CD163L1: variants seen among roughly 807,000 people sequenced by gnomAD.
CD163L1 encodes CD163 molecule like 1.
Under a neutral mutation model 165.4 loss-of-function variants are expected in CD163L1, and 124 were observed. The observed-to-expected ratio is 0.75, with a 90% CI of 0.65 to 0.87. CD163L1 has a LOEUF of 0.87. Ranked by LOEUF, CD163L1 falls within the 40% of genes least tolerant of loss-of-function variation. The probability of loss-of-function intolerance (pLI) is 0.00; values close to 1 mark genes in which losing one functional copy is unlikely to be tolerated. For synonymous variants in CD163L1, 585 were observed against 662.2 expected, an observed-to-expected ratio of 0.88 and a Z score of 1.79; for missense variants, 1,525 against 1,799.9, an observed-to-expected ratio of 0.85 and a Z score of 2.76.
chr12:7,432,583 G>A lies in CD163L1; in HGVS notation c.599C>T (p.Ser200Phe). Reference sequence around the variant, plus strand: ...AACAACTCCAGAAGAAATAAAAGAAGATGGACATCCTAGTTGCCTGCACAC... The same window carrying A: ...AACAACTCCAGAAGAAATAAAAGAAAATGGACATCCTAGTTGCCTGCACAC... ...AVVCRQLGCPSSFISSGVVNS... is the reference protein window; with the variant it reads ...AVVCRQLGCPFSFISSGVVNS... The change falls in exon 4 of 20, where the codon TCT becomes TTT. Residue 200 changes from serine to phenylalanine, a missense_variant. Coordinates refer to ENST00000313599, the MANE Select transcript of CD163L1 (RefSeq NM_174941.6). This position sits in a 1 kb window ranked among gnomAD's most constrained non-coding sequence, Gnocchi z 4.2. The A allele has an allele frequency of 6.2e-7, 1 of 1,614,152 alleles. No individual in the cohort carries two copies. Among genetic ancestry groups the A allele is most frequent in the South Asian group, 1.1e-5 (1 of 91,082 alleles).
chr12:7,426,696 A>T (rs994160967), intron 4 of CD163L1, among the ~76,000 whole-genome samples: 2 of 152,114 alleles, frequency 1.3e-5, no homozygotes, highest in Non-Finnish European at 2.9e-5. Context: ...CATGTAACAA[A>T]CTTGCATGTT....
chr12:7,374,978 G>T lies in CD163L1; in HGVS notation c.3002-55C>A, dbSNP rs1947233526. On this transcript the variant is annotated intron_variant, in intron 11 of 19. Coordinates refer to ENST00000313599, the MANE Select transcript of CD163L1 (RefSeq NM_174941.6). This position sits in a 1 kb window ranked among gnomAD's most constrained non-coding sequence, Gnocchi z 5.4. Reference sequence around the variant, plus strand: ...AGTAAGACCAAAATACATGGAAAAGGTTGAAGAGTTCTGTAACAACATGGA... The same window carrying T: ...AGTAAGACCAAAATACATGGAAAAGTTTGAAGAGTTCTGTAACAACATGGA... 2 of 1,488,664 alleles carry T rather than the reference G, an allele frequency of 1.3e-6. No homozygotes were observed. Among genetic ancestry groups the T allele is most frequent in the African/African-American group, 1.4e-5 (1 of 72,296 alleles). The allele number at this position is 1,488,664 out of a possible 1,614,324, so 92.2% of individuals were successfully genotyped here.
At chr12:7,424,459 T>TTGAATTCTGGCCAGGG (rs1948503336) in intron 4 of CD163L1, among the ~76,000 whole-genome samples, 3 of 152,128 alleles carry the variant, frequency 2.0e-5, no homozygotes, top group African/African-American at 7.2e-5. Flanking sequence ...CCACTCCTAT[T>TTGAATTCTGGCCAGGG]CAACATAGTG....
chr12:7,353,759 A>AT (rs900684865), downstream of CD163L1, among the ~76,000 whole-genome samples: 1 of 152,026 alleles, frequency 6.6e-6, no homozygotes. Context: ...TTCTTTCAAT[A>AT]TTTTTTAACA....
At chr12:7,419,970 T>C (rs1031953508) in intron 4 of CD163L1, among the ~76,000 whole-genome samples, 2 of 151,492 alleles carry the variant, frequency 1.3e-5, no homozygotes, top group Non-Finnish European at 3.0e-5. Context: ...TATAAGGCAA[T>C]AGTCACCAAG....
At chr12:7,418,062 C>T (rs1948281050) in intron 4 of CD163L1, among the ~76,000 whole-genome samples, 1 of 151,806 alleles carries the variant, frequency 6.6e-6, no homozygotes, top group Admixed American at 6.6e-5. Context: ...AAAATTTTAC[C>T]CAACAACTGC....
At chr12:7,324,697 T>A in the CD163L1 span, 1 of 1,339,598 alleles carries the variant, frequency 7.5e-7, no homozygotes, top group African/African-American at 1.5e-5. Flanking sequence ...AATCTATTAA[T>A]TCTCGTTATG....
intron 4 of CD163L1, among the ~76,000 whole-genome samples, chr12:7,408,430 G>A (rs1201053885): frequency 6.6e-6 from 1 of 152,026 alleles, no homozygotes; most frequent in African/African-American, 2.4e-5. Flanking sequence ...GAAATAGAAT[G>A]TCACATTAGC....
Position 7,375,263 on chromosome 12 carries a change from TA to T in CD163L1, c.3001+17del. 2 of 1,611,416 alleles carry T rather than the reference TA, an allele frequency of 1.2e-6. No individual in the cohort carries two copies. Among genetic ancestry groups the T allele is most frequent in the East Asian group, 4.5e-5 (2 of 44,852 alleles). On this transcript the variant is annotated intron_variant, in intron 11 of 19. Transcript: ENST00000313599. ...GGGCTATATTGACAGTAGTTAACCA[TA>T]AGCACTATTCTCTTACCTGTGCAGA...
rs1565784073 is a variant in CD163L1 at position 7,380,309 on chromosome 12, A to ATGTATGTATGTATACGCG, written c.2051-1012_2051-1011insCGCGTATACATACATACA. On this transcript the variant is annotated intron_variant, in intron 8 of 19. Transcript: ENST00000313599. ...TGTGTGTGTGTGTGTGTGTATACAC[A>ATGTATGTATGTATACGCG]TATACATACATATATGTATGTATAC... 3.7e-5 allele frequency among the ~76,000 whole-genome samples: 3 copies of ATGTATGTATGTATACGCG among 81,354 alleles called. No homozygotes were observed. In the East Asian group the frequency reaches 9.1e-4, roughly 25 times the overall value. The allele number at this position is 81,354 out of a possible 152,430, so 53.4% of individuals were successfully genotyped here. A position where few individuals can be genotyped will look rare whatever the true frequency, so the allele number is the denominator to read the frequency against.
downstream of CD163L1, among the ~76,000 whole-genome samples, chr12:7,341,802 A>G (rs1360105576): frequency 6.6e-6 from 1 of 152,192 alleles, no homozygotes; most frequent in African/African-American, 2.4e-5. Context: ...TTTGAGAGTC[A>G]TTTAGCCTAT....
intron 4 of CD163L1, 142 bp from the exon 5 acceptor site, chr12:7,406,994 G>A: frequency 1.3e-6 from 1 of 780,978 alleles, no homozygotes; most frequent in Non-Finnish European, 2.0e-6. Flanking sequence ...TAAAATTCTT[G>A]TACAAGTTTA....
At chr12:7,393,239 T>G (rs915845173) in intron 8 of CD163L1, among the ~76,000 whole-genome samples, 10 of 152,170 alleles carry the variant, frequency 6.6e-5, no homozygotes, top group Non-Finnish European at 1.0e-4. Flanking sequence ...CAAGTTGGCT[T>G]CATCCCTGGG....
chr12:7,397,326 T>A (rs185766700), intron 7 of CD163L1, among the ~76,000 whole-genome samples: 2 of 152,272 alleles, frequency 1.3e-5, no homozygotes, highest in Admixed American at 1.3e-4. Context: ...CAATATGACC[T>A]GCAAGTTTTG....
At position 7,441,154 on chromosome 12, in the gene CD163L1, T is replaced by C. The variant is rs1188814565; in HGVS notation, c.124A>G (p.Asn42Asp). 6.2e-7 allele frequency: 1 copy of C among 1,611,640 alleles called. No individual in the cohort carries two copies. The highest frequency in any genetic ancestry group is 8.5e-7 in the Non-Finnish European group (1 of 1,177,798). The change falls in exon 2 of 20, where the codon AAT becomes GAT. Residue 42 changes from asparagine (N) to aspartate (D), a missense_variant and splice_region_variant. Asn to Asp is a conservative substitution (Grantham distance 23, BLOSUM62 1). Transcript: ENST00000313599. ...LNSCFLISSF[N>D]GTDLELRLVN... ...AAAGTTATCATCCATCAGAACTCAC[T>C]AAAACTGCTGATGAGAAAGCAGGAA...
chr12:7,418,191 C>T (rs1285764162), intron 4 of CD163L1, among the ~76,000 whole-genome samples: 1 of 151,986 alleles, frequency 6.6e-6, no homozygotes, highest in Non-Finnish European at 1.5e-5. Context: ...TACACTCTCA[C>T]ACCACAATGG....
chr12:7,434,014 G>C (rs1180169446), intron 2 of CD163L1, among the ~76,000 whole-genome samples: 2 of 152,180 alleles, frequency 1.3e-5, no homozygotes, highest in African/African-American at 4.8e-5. Context: ...CACGCAGAAT[G>C]AAAGAAAGTC....
chr12:7,378,615 A>G (rs945093950), intron 9 of CD163L1, among the ~76,000 whole-genome samples: 5 of 152,172 alleles, frequency 3.3e-5, no homozygotes, highest in African/African-American at 1.2e-4. Context: ...ACTCGAATAA[A>G]ATACTACTGT....
the CD163L1 span, among the ~76,000 whole-genome samples, chr12:7,333,473 T>C: frequency 6.6e-6 from 1 of 152,162 alleles, no homozygotes; most frequent in Non-Finnish European, 1.5e-5. Flanking sequence ...CCAGAATCTC[T>C]GGGACACATT....
Sources: gnomAD v4.1 joint callset for allele counts (sites outside exome capture counted in the v4.1 genomes callset) on GRCh38, gnomAD v4.1.1 for gene constraint, Gnocchi (gnomAD v3.1) non-coding constraint, MANE v1.5 for transcripts, NCBI Gene and HGNC (gene_info 2026-07-23, HGNC 2026-07-21) for gene names.